The following CA5B variants were observed in gnomAD, a reference collection of about 807,000 sequenced individuals.
The protein encoded by CA5B is carbonic anhydrase 5B, mitochondrial.
CA5B carries 15 observed loss-of-function variants against 23.1 expected under a neutral mutation model. The observed-to-expected ratio is 0.65, with a 90% CI of 0.43 to 1.00. CA5B has a LOEUF of 1.00. Among genes scored for constraint, CA5B ranks in the 50% least tolerant of loss-of-function variants. The pLI, the probability that CA5B is intolerant of heterozygous loss-of-function variation, is 0.00. For synonymous variants in CA5B, 84 were observed against 98.5 expected (o/e 0.85, Z 0.87); for missense variants, 236 against 252.2 (o/e 0.94, Z 0.43).
At chrX:15,766,181 A>G (rs1181792962) in intron 3 of CA5B, among the ~76,000 whole-genome samples, 2 of 106,940 alleles carry the variant, frequency 1.9e-5, no homozygotes, top group African/African-American at 6.8e-5. Flanking sequence ...AAAAAAAAGT[A>G]AATATTCACT....
At chrX:15,756,467 G>A (rs910940919) in intron 2 of CA5B, among the ~76,000 whole-genome samples, 1 of 112,891 alleles carries the variant, frequency 8.9e-6, no homozygotes, top group African/African-American at 3.2e-5. Context: ...ATGGTTGGAT[G>A]CTAAATGGTA....
intron 2 of CA5B, among the ~76,000 whole-genome samples, chrX:15,753,659 A>G (rs924949907): frequency 8.0e-5 from 9 of 112,762 alleles, no homozygotes; most frequent in Middle Eastern, 4.6e-3. Flanking sequence ...CTGTAATCCC[A>G]GCACTTTGGG....
chrX:15,755,418 A>C (rs901005491), intron 2 of CA5B, among the ~76,000 whole-genome samples: 3 of 112,060 alleles, frequency 2.7e-5, no homozygotes, highest in African/African-American at 9.7e-5. Flanking sequence ...TTCTGCGATC[A>C]TCCTCAACCA....
chrX:15,776,886 A>AT lies in CA5B; in HGVS notation c.774+20dup. 1 of 1,188,722 alleles carries AT rather than the reference A, an allele frequency of 8.4e-7. No individual in the cohort carries two copies. Among genetic ancestry groups the AT allele is most frequent in the Non-Finnish European group, 1.1e-6 (1 of 876,734 alleles). On this transcript the variant is annotated intron_variant, in intron 7 of 7. Coordinates refer to ENST00000318636, the MANE Select transcript of CA5B (RefSeq NM_007220.4). Reference sequence around the variant, plus strand: ...CATGATCAGGTATGTTCTCTCCATAATTTCAATCTAAGGAAATCCTTGTCT... The same window carrying AT: ...CATGATCAGGTATGTTCTCTCCATAATTTTCAATCTAAGGAAATCCTTGTCT...
intron 7 of CA5B, among the ~76,000 whole-genome samples, chrX:15,780,359 G>C (rs1931999964): frequency 9.3e-6 from 1 of 108,035 alleles, no homozygotes; most frequent in Non-Finnish European, 1.9e-5. Context: ...TGCAACCTCT[G>C]CCTTGCACGT....
intron 7 of CA5B, among the ~76,000 whole-genome samples, chrX:15,777,371 A>G (rs1201931577): frequency 8.9e-6 from 1 of 111,753 alleles, no homozygotes. Context: ...CTATGCAAAC[A>G]CTCAAAATCC....
At chrX:15,776,078 C>T (rs1931918344) in intron 6 of CA5B, 1 of 700,683 alleles carries the variant, frequency 1.4e-6, no homozygotes, top group African/African-American at 2.4e-5. Flanking sequence ...GTGGCTCACG[C>T]CTGTAATCAC....
At chrX:15,766,407 A>G (rs1053199835) in intron 3 of CA5B, among the ~76,000 whole-genome samples, 3 of 111,056 alleles carry the variant, frequency 2.7e-5, no homozygotes, top group Non-Finnish European at 5.7e-5. Flanking sequence ...AGGTGTTTCC[A>G]TGTCCCCAAC....
chrX:15,781,031 T>G (rs1932014010), intron 7 of CA5B, among the ~76,000 whole-genome samples: 1 of 107,722 alleles, frequency 9.3e-6, no homozygotes, highest in Non-Finnish European at 1.9e-5. Flanking sequence ...CAGGTGAGAG[T>G]CCAGTGGCGC....
chrX:15,782,268 C>A (rs999651229), intron 7 of CA5B, among the ~76,000 whole-genome samples: 30 of 112,429 alleles, frequency 2.7e-4, no homozygotes, highest in African/African-American at 7.8e-4. Flanking sequence ...CCACCTCTTG[C>A]TGCTCTCCTC....
At chrX:15,764,450 G>A in intron 2 of CA5B, 128 bp from the exon 3 acceptor site, 1 of 1,032,042 alleles carries the variant, frequency 9.7e-7, no homozygotes, top group Non-Finnish European at 1.3e-6. Context: ...GTGTTTCCTA[G>A]GCTGGTCTCA....
intron 2 of CA5B, among the ~76,000 whole-genome samples, chrX:15,752,541 C>CA (rs1931386289): frequency 9.1e-6 from 1 of 109,855 alleles, no homozygotes; most frequent in Non-Finnish European, 1.9e-5. Flanking sequence ...CTGGCTAACA[C>CA]GGTGAAACCC....
chrX:15,761,994 G>A (rs765838354), intron 2 of CA5B, among the ~76,000 whole-genome samples: 2 of 112,011 alleles, frequency 1.8e-5, no homozygotes, highest in Admixed American at 9.5e-5. Flanking sequence ...ACGGTCAGGC[G>A]CAGTGGTTTG....
At chrX:15,751,408 A>G (rs1170320422) in intron 2 of CA5B, among the ~76,000 whole-genome samples, 2 of 112,393 alleles carry the variant, frequency 1.8e-5, no homozygotes, top group African/African-American at 6.5e-5. Flanking sequence ...TAAACGGACC[A>G]GAGGCATAAT....
At chrX:15,781,223 CG>C (rs1932018287) in intron 7 of CA5B, among the ~76,000 whole-genome samples, 1 of 110,667 alleles carries the variant, frequency 9.0e-6, no homozygotes, top group Non-Finnish European at 1.9e-5. Flanking sequence ...GTGAGCCACC[CG>C]CCTCGGCCTC....
intron 3 of CA5B, among the ~76,000 whole-genome samples, chrX:15,766,005 G>C (rs753319735): frequency 5.6e-5 from 6 of 107,954 alleles, no homozygotes; most frequent in Non-Finnish European, 9.6e-5. Flanking sequence ...AAAATACAAA[G>C]CATTAGCCGG....
chrX:15,751,897 C>G (rs1354471737), intron 2 of CA5B, among the ~76,000 whole-genome samples: 1 of 111,775 alleles, frequency 8.9e-6, no homozygotes, highest in Admixed American at 9.5e-5. Context: ...TTTCTGACAG[C>G]TCAATACCCC....
chrX:15,777,800 C>T (rs1384595941), intron 7 of CA5B, among the ~76,000 whole-genome samples: 1 of 111,809 alleles, frequency 8.9e-6, no homozygotes, highest in Admixed American at 9.5e-5. Flanking sequence ...TAAAACAGAG[C>T]TGAATAGAGA....
intron 3 of CA5B, chrX:15,769,547 T>C: frequency 1.3e-6 from 1 of 752,598 alleles, no homozygotes; most frequent in African/African-American, 2.3e-5. Context: ...GGGTGCTTCC[T>C]GCTCCATCCT....
Sources: allele counts gnomAD v4.1 joint callset (sites outside exome capture counted in the v4.1 genomes callset), GRCh38; gene constraint gnomAD v4.1.1; transcripts MANE v1.5; gene names NCBI Gene and HGNC (gene_info 2026-07-23, HGNC 2026-07-21).